Variants in DBX2 observed in about 807,000 individuals in gnomAD.
DBX2 encodes homeobox protein DBX2.
Under a neutral mutation model 17.7 loss-of-function variants are expected in DBX2, and 16 were observed. That is an observed-to-expected ratio of 0.90 (90% CI 0.61 to 1.37). DBX2 has a LOEUF of 1.37. DBX2 is among the 40% of genes most tolerant of loss of function. The probability of loss-of-function intolerance (pLI) is 0.00; values close to 1 mark genes in which losing one functional copy is unlikely to be tolerated. For missense variants in DBX2, 538 were observed against 433.8 expected (o/e 1.24, Z -2.13); for synonymous variants, 255 against 183.8 (o/e 1.39, Z -3.13).
intron 1 of DBX2, among the ~76,000 whole-genome samples, chr12:45,041,515 T>C (rs1056237391): frequency 6.6e-6 from 1 of 152,234 alleles, no homozygotes; most frequent in Non-Finnish European, 1.5e-5. Context: ...TGTGATCTAA[T>C]TGCAAACCTT....
chr12:45,039,304 T>A (rs1376118194), intron 1 of DBX2, among the ~76,000 whole-genome samples: 1 of 113,236 alleles, frequency 8.8e-6, no homozygotes, highest in Non-Finnish European at 1.6e-5. Context: ...TATATATATA[T>A]ATATATATAT....
intron 2 of DBX2, among the ~76,000 whole-genome samples, chr12:45,028,878 C>T (rs1376490852): frequency 1.3e-5 from 2 of 152,206 alleles, no homozygotes; most frequent in Non-Finnish European, 2.9e-5. Flanking sequence ...ATACACAAAT[C>T]AAGCTTGCTT....
At chr12:45,036,220 A>G (rs1009458720) in intron 1 of DBX2, 106 bp from the exon 2 acceptor site, 16 of 997,668 alleles carry the variant, frequency 1.6e-5, no homozygotes, top group Non-Finnish European at 2.1e-5. Flanking sequence ...TAGTTTTTTA[A>G]TTTGTATTGA....
Position 45,034,121 on chromosome 12 carries a change from C to A in DBX2, c.499+1898G>T, listed in dbSNP as rs559379113. Among the ~76,000 whole-genome samples, 443 of 122,660 alleles carry A rather than the reference C, an allele frequency of 3.6e-3. 2 individuals carry two copies. Among genetic ancestry groups the A allele is most frequent in the Non-Finnish European group, 6.2e-3 (332 of 53,642 alleles). 80.5% of individuals were successfully genotyped at this position (122,660 alleles called of 152,430 possible). On this transcript the variant is annotated intron_variant, in intron 2 of 3. Transcript: ENST00000332700. Reference sequence around the variant, plus strand: ...CCTATAAAATAAGTACACACACACACCCACACCCACACACACACACACGCA... The same window carrying A: ...CCTATAAAATAAGTACACACACACAACCACACCCACACACACACACACGCA...
intron 1 of DBX2, among the ~76,000 whole-genome samples, chr12:45,044,105 T>C (rs1043716427): frequency 5.8e-5 from 8 of 136,834 alleles, no homozygotes; most frequent in Admixed American, 3.0e-4. Context: ...AAAAGCAAGA[T>C]AGTAAATACT....
At chr12:45,027,005 GA>G (rs1366409842) in intron 2 of DBX2, among the ~76,000 whole-genome samples, 1 of 152,110 alleles carries the variant, frequency 6.6e-6, no homozygotes, top group African/African-American at 2.4e-5. Context: ...GCAGTTTTAT[GA>G]AATATTGGTC....
Position 45,036,192 on chromosome 12 carries a change from T to C in DBX2, c.404-78A>G, listed in dbSNP as rs1053776584. 1.3e-5 allele frequency: 17 copies of C among 1,266,962 alleles called. No individual in the cohort carries two copies. In the East Asian group the frequency reaches 2.1e-4, roughly 16 times the overall value. The allele number at this position is 1,266,962 out of a possible 1,614,324, so 78.5% of individuals were successfully genotyped here. A position where few individuals can be genotyped will look rare whatever the true frequency, so the allele number is the denominator to read the frequency against. ...CAAAACTCCAGTTTCCTAAAAGTCA[T>C]TGAGTAAATACTTTGCTTAGTTTTT... On this transcript the variant is annotated intron_variant, in intron 1 of 3. Transcript: ENST00000332700.
intron 1 of DBX2, among the ~76,000 whole-genome samples, chr12:45,041,120 T>C (rs2137030179): frequency 6.8e-6 from 1 of 147,728 alleles, no homozygotes; most frequent in African/African-American, 2.5e-5. Flanking sequence ...TAACAAATAA[T>C]AATATTAATA....
intron 3 of DBX2, among the ~76,000 whole-genome samples, chr12:45,020,524 T>C (rs556764932): frequency 2.0e-5 from 3 of 151,458 alleles, no homozygotes; most frequent in South Asian, 2.1e-4. Context: ...AAGGAGCAGA[T>C]AGTGAGTGGG....
chr12:45,026,868 T>C (rs1373957578), intron 2 of DBX2, among the ~76,000 whole-genome samples: 1 of 152,212 alleles, frequency 6.6e-6, no homozygotes, highest in Non-Finnish European at 1.5e-5. Context: ...CTTCCATTCA[T>C]CTTCACATAG....
At chr12:45,038,771 T>C (rs1946453746) in intron 1 of DBX2, among the ~76,000 whole-genome samples, 1 of 151,956 alleles carries the variant, frequency 6.6e-6, no homozygotes, top group Non-Finnish European at 1.5e-5. Flanking sequence ...TAGTGATAAA[T>C]GTGGTTTACA....
At chr12:45,048,177 G>A (rs1946509958) in intron 1 of DBX2, among the ~76,000 whole-genome samples, 1 of 152,072 alleles carries the variant, frequency 6.6e-6, no homozygotes, top group East Asian at 1.9e-4. Context: ...CATAAATCCC[G>A]CAGTTAAACG....
At chr12:45,030,565 TTC>T (rs989776830) in intron 2 of DBX2, among the ~76,000 whole-genome samples, 1 of 152,078 alleles carries the variant, frequency 6.6e-6, no homozygotes, top group African/African-American at 2.4e-5. Context: ...GGCACTGGCC[TTC>T]TCTCTGTTTC....
intron 2 of DBX2, among the ~76,000 whole-genome samples, chr12:45,028,639 T>C (rs1592753264): frequency 6.6e-6 from 1 of 152,294 alleles, no homozygotes; most frequent in African/African-American, 2.4e-5. Flanking sequence ...CACTGTGATA[T>C]ACATTAACAT....
intron 1 of DBX2, among the ~76,000 whole-genome samples, chr12:45,044,916 TGAAA>T (rs1419460879): frequency 2.6e-5 from 4 of 151,906 alleles, no homozygotes; most frequent in Non-Finnish European, 5.9e-5. Context: ...CTAAAAAGAA[TGAAA>T]GAGAGAGATT....
chr12:45,032,899 A>G (rs1381820740), intron 2 of DBX2, among the ~76,000 whole-genome samples: 1 of 152,244 alleles, frequency 6.6e-6, no homozygotes, highest in Admixed American at 6.5e-5. Context: ...GTCATTATTT[A>G]CATAATTTCC....
intron 2 of DBX2, among the ~76,000 whole-genome samples, chr12:45,032,006 CCCCACCCTTCA>C (rs1009371516): frequency 8.6e-5 from 13 of 151,986 alleles, no homozygotes; most frequent in Admixed American, 6.6e-4. Context: ...AGTTACCCTC[CCCCACCCTTCA>C]CCCACCCTTT....
chr12:45,050,708 GGAGCTGCGC>G lies in DBX2; in HGVS notation c.211_219del (p.Ala71_Leu73del). On this transcript the variant is annotated inframe_deletion, in exon 1 of 4. Transcript: ENST00000332700. ...GGAACTGGGCTAGCAGGCAGGGGCC[GGAGCTGCGC>G]GCCCGCGGTGGCCAGGGCGGTCGCC... 1 of 1,501,162 alleles carries G rather than the reference GGAGCTGCGC, an allele frequency of 6.7e-7. No individual in the cohort carries two copies. Among genetic ancestry groups the G allele is most frequent in the Non-Finnish European group, 8.9e-7 (1 of 1,127,544 alleles). 93.0% of individuals were successfully genotyped at this position (1,501,162 alleles called of 1,614,324 possible).
intron 2 of DBX2, among the ~76,000 whole-genome samples, chr12:45,031,423 TATAAC>T (rs1946410734): frequency 6.6e-6 from 1 of 152,076 alleles, no homozygotes; most frequent in Non-Finnish European, 1.5e-5. Context: ...ATCATTCCCT[TATAAC>T]AAGCCAAAAA....
Sources: gnomAD v4.1 joint callset for allele counts (sites outside exome capture counted in the v4.1 genomes callset) on GRCh38, gnomAD v4.1.1 for gene constraint, MANE v1.5 for transcripts, NCBI Gene and HGNC (gene_info 2026-07-23, HGNC 2026-07-21) for gene names.